Variants in PALLD observed in about 807,000 individuals in gnomAD.
PALLD encodes the protein palladin.
PALLD carries 61 observed loss-of-function variants against 123.5 expected under a neutral mutation model. The observed-to-expected ratio is 0.49, with a 90% confidence interval of 0.40 to 0.61. The LOEUF is 0.61. Ranked by LOEUF, PALLD falls within the 20% of genes least tolerant of loss-of-function variation. The pLI, the probability that PALLD is intolerant of heterozygous loss-of-function variation, is 0.00. For missense variants in PALLD, 1,273 were observed against 1,377.0 expected (o/e 0.92, Z 1.20); for synonymous variants, 465 against 496.4 (o/e 0.94, Z 0.84).
chr4:168,593,216 C>G (rs1399038291), intron 2 of PALLD, among the ~76,000 whole-genome samples: 1 of 151,958 alleles, frequency 6.6e-6, no homozygotes, highest in African/African-American at 2.4e-5. Context: ...TTTTCCCTCT[C>G]CATTCTTCTA....
intron 2 of PALLD, among the ~76,000 whole-genome samples, chr4:168,541,985 G>T (rs1047532893): frequency 6.6e-6 from 1 of 152,120 alleles, no homozygotes; most frequent in Admixed American, 6.5e-5. Flanking sequence ...GCAGAGGTGA[G>T]GGGAAAGTGG....
chr4:168,556,134 C>T (rs62335469), intron 2 of PALLD, among the ~76,000 whole-genome samples: 20,384 of 151,464 alleles, frequency 0.13, 1,776 homozygotes, highest in South Asian at 0.21. Flanking sequence ...CTCACTCTGT[C>T]GCCCAGGCTG....
At chr4:168,515,391 G>A (rs566071140) in intron 2 of PALLD, among the ~76,000 whole-genome samples, 7 of 152,190 alleles carry the variant, frequency 4.6e-5, no homozygotes, top group Non-Finnish European at 8.8e-5. Flanking sequence ...CTGGAGCTTA[G>A]GCAGACCTAT....
intron 10 of PALLD, among the ~76,000 whole-genome samples, chr4:168,747,228 G>C (rs968301955): frequency 2.0e-5 from 3 of 152,134 alleles, no homozygotes; most frequent in Non-Finnish European, 4.4e-5. Flanking sequence ...TGCATAAAAG[G>C]GTAGATCACT....
intron 12 of PALLD, chr4:168,894,892 G>A: frequency 3.1e-6 from 2 of 648,560 alleles, no homozygotes; most frequent in Non-Finnish European, 5.1e-6. Flanking sequence ...AGTGATACCT[G>A]TTCTTTTTAT....
intron 2 of PALLD, among the ~76,000 whole-genome samples, chr4:168,616,232 T>C (rs1419268144): frequency 4.6e-5 from 7 of 152,240 alleles, no homozygotes; most frequent in Admixed American, 3.9e-4. Context: ...GAGAAGGAAT[T>C]TGAATGGCTG....
At chr4:168,702,611 T>G (rs1336551923) in intron 8 of PALLD, among the ~76,000 whole-genome samples, 1 of 152,170 alleles carries the variant, frequency 6.6e-6, no homozygotes, top group Non-Finnish European at 1.5e-5. Context: ...TTCAGCATTT[T>G]GGCTCTAGCA....
At chr4:168,678,687 C>T (rs907318327) in intron 3 of PALLD, among the ~76,000 whole-genome samples, 2 of 152,094 alleles carry the variant, frequency 1.3e-5, no homozygotes, top group Non-Finnish European at 2.9e-5. Context: ...GCCCGTGCCC[C>T]TCCCCTGCTT....
chr4:168,563,853 AT>A (rs1211095852), intron 2 of PALLD, among the ~76,000 whole-genome samples: 1 of 152,230 alleles, frequency 6.6e-6, no homozygotes, highest in Non-Finnish European at 1.5e-5. Context: ...GAAGAAAAAC[AT>A]TTTTAATAAA....
intron 10 of PALLD, among the ~76,000 whole-genome samples, chr4:168,841,853 C>G (rs1002337897): frequency 3.3e-5 from 5 of 152,218 alleles, no homozygotes; most frequent in Non-Finnish European, 7.3e-5. Flanking sequence ...TAGCAGTCTA[C>G]TGAAATCTCT....
intron 2 of PALLD, among the ~76,000 whole-genome samples, chr4:168,586,236 T>C (rs1770809514): frequency 6.6e-6 from 1 of 150,606 alleles, no homozygotes; most frequent in Non-Finnish European, 1.5e-5. Context: ...AAAGAAAAGC[T>C]GAGACTCTTC....
chr4:168,739,912 C>T (rs1303251581), intron 10 of PALLD, among the ~76,000 whole-genome samples: 2 of 152,174 alleles, frequency 1.3e-5, no homozygotes, highest in Non-Finnish European at 2.9e-5. Flanking sequence ...ACACTCGTAG[C>T]ATGTATTTAT....
chr4:168,630,598 G>C lies in PALLD; in HGVS notation c.909-37592G>C, dbSNP rs142102266. 1.6e-3 allele frequency among the ~76,000 whole-genome samples: 247 copies of C among 152,106 alleles called. 2 individuals carry two copies. The highest frequency in any genetic ancestry group is 5.5e-3 in the African/African-American group (229 of 41,484). ...GACCTCTCAAGATGATTCTATTTCC[G>C]GAACGCATTTTTTGATATGGTTTCT... is the stretch of plus-strand genomic sequence containing the variant. On this transcript the variant is annotated intron_variant, in intron 2 of 21. Transcript: ENST00000505667.
chr4:168,817,478 A>T (rs1561557619), intron 10 of PALLD, among the ~76,000 whole-genome samples: 10 of 152,210 alleles, frequency 6.6e-5, no homozygotes. Context: ...TAACTTAAAT[A>T]TGTTGATAGT....
chr4:168,664,616 A>G (rs1779445231), intron 2 of PALLD, among the ~76,000 whole-genome samples: 1 of 152,222 alleles, frequency 6.6e-6, no homozygotes, highest in Non-Finnish European at 1.5e-5. Flanking sequence ...CCAGTAAGGT[A>G]TAAGTAAAAT....
At chr4:168,542,482 G>A (rs146140041) in intron 2 of PALLD, among the ~76,000 whole-genome samples, 208 of 151,436 alleles carry the variant, frequency 1.4e-3, no homozygotes, top group African/African-American at 4.9e-3. Context: ...GGTTTTTAGT[G>A]GCAAAGAATT....
intron 10 of PALLD, among the ~76,000 whole-genome samples, chr4:168,739,822 G>A (rs1400167346): frequency 6.6e-6 from 1 of 152,138 alleles, no homozygotes; most frequent in Non-Finnish European, 1.5e-5. Context: ...CCCAAGATAA[G>A]GGTACCTATT....
intron 10 of PALLD, among the ~76,000 whole-genome samples, chr4:168,856,828 T>C (rs964195355): frequency 2.6e-5 from 4 of 152,140 alleles, no homozygotes; most frequent in Non-Finnish European, 4.4e-5. Flanking sequence ...AAGAAGTATA[T>C]GAATAAAACT....
chr4:168,710,529 G>A (rs1581095245), intron 9 of PALLD, among the ~76,000 whole-genome samples: 1 of 152,176 alleles, frequency 6.6e-6, no homozygotes, highest in Non-Finnish European at 1.5e-5. Context: ...GGTGCTAGGT[G>A]GCAGCAGAGA....
Sources: gnomAD v4.1 joint callset for allele counts (sites outside exome capture counted in the v4.1 genomes callset) on GRCh38, gnomAD v4.1.1 for gene constraint, MANE v1.5 for transcripts, NCBI Gene and HGNC (gene_info 2026-07-23, HGNC 2026-07-21) for gene names.